The following CNTFR variants were observed in gnomAD, a reference collection of about 807,000 sequenced individuals.
CNTFR encodes the protein ciliary neurotrophic factor receptor subunit alpha.
In CNTFR, 12 loss-of-function variants were observed where a neutral mutation model predicts 40.4. The observed-to-expected ratio is 0.30, with a 90% CI of 0.19 to 0.48. The LOEUF is 0.48. Ranked by LOEUF, CNTFR falls within the 20% of genes least tolerant of loss-of-function variation. The probability of loss-of-function intolerance (pLI) is 0.99; values close to 1 mark genes in which losing one functional copy is unlikely to be tolerated. For missense variants in CNTFR, 414 were observed against 506.8 expected, an observed-to-expected ratio of 0.82 and a Z score of 1.76; for synonymous variants, 202 against 209.6, an observed-to-expected ratio of 0.96 and a Z score of 0.31.
chr9:34,564,382 T>A, intron 4 of CNTFR, among the ~76,000 whole-genome samples: 1 of 151,546 alleles, frequency 6.6e-6, no homozygotes, highest in East Asian at 1.9e-4. Flanking sequence ...TCCACGGGGG[T>A]GGGATGTGTG....
intron 2 of CNTFR, among the ~76,000 whole-genome samples, chr9:34,576,256 CG>C (rs1345770427): frequency 6.6e-6 from 1 of 152,218 alleles, no homozygotes; most frequent in Non-Finnish European, 1.5e-5. Flanking sequence ...GCCCCGTACA[CG>C]CTGGTGTGCG....
chr9:34,574,532 C>T (rs773120035), intron 2 of CNTFR, among the ~76,000 whole-genome samples: 2 of 152,202 alleles, frequency 1.3e-5, no homozygotes, highest in African/African-American at 2.4e-5. Context: ...AGGCCCTGTC[C>T]TCCTCCTTAG....
intron 4 of CNTFR, among the ~76,000 whole-genome samples, chr9:34,558,640 G>A (rs1825947897): frequency 6.6e-6 from 1 of 152,186 alleles, no homozygotes. Flanking sequence ...GAATCTGCAT[G>A]TCTATGTATG....
Position 34,570,298 on chromosome 9 carries a change from A to AAACCAGAT in CNTFR, c.1-1325_1-1318dup, listed in dbSNP as rs529665106. Among the ~76,000 whole-genome samples the AAACCAGAT allele has an allele frequency of 1.6e-3, 250 of 152,328 alleles. 3 individuals are homozygous for AAACCAGAT. Among genetic ancestry groups the AAACCAGAT allele is most frequent in the African/African-American group, 5.5e-3 (228 of 41,580 alleles). ...ACAAAGCCAAAGAGACAGGTAGATG[A>AAACCAGAT]AACCAGATAACCAGCCAGAGAGGTG... On this transcript the variant is annotated intron_variant, in intron 2 of 9. Transcript: ENST00000378980.
chr9:34,564,931 A>T, intron 3 of CNTFR, 99 bp from the exon 4 acceptor site: 1 of 962,402 alleles, frequency 1.0e-6, no homozygotes, highest in Non-Finnish European at 1.6e-6. Flanking sequence ...AGGATGGATG[A>T]GTGAGGACGA....
At chr9:34,565,292 T>C (rs1826236787) in intron 3 of CNTFR, among the ~76,000 whole-genome samples, 1 of 151,986 alleles carries the variant, frequency 6.6e-6, no homozygotes, top group Non-Finnish European at 1.5e-5. Context: ...GGGGCCCCAC[T>C]CCTGGACTCC....
At chr9:34,573,459 CA>C (rs1428107517) in intron 2 of CNTFR, among the ~76,000 whole-genome samples, 14 of 152,304 alleles carry the variant, frequency 9.2e-5, no homozygotes, top group South Asian at 6.2e-4. Context: ...AATGAAGGAT[CA>C]GGGGGGCCTC....
At chr9:34,584,697 A>C (rs1827467795) in intron 1 of CNTFR, among the ~76,000 whole-genome samples, 1 of 152,220 alleles carries the variant, frequency 6.6e-6, no homozygotes, top group South Asian at 2.1e-4. Context: ...ACTCACACCT[A>C]GAGGGTAAGG....
At chr9:34,561,412 A>T (rs1826070491) in intron 4 of CNTFR, among the ~76,000 whole-genome samples, 1 of 152,232 alleles carries the variant, frequency 6.6e-6, no homozygotes, top group Non-Finnish European at 1.5e-5. Context: ...AACGATACAG[A>T]ATCAGCAGTG....
chr9:34,566,041 C>T (rs1357337804), intron 3 of CNTFR, among the ~76,000 whole-genome samples: 7 of 152,092 alleles, frequency 4.6e-5, no homozygotes, highest in Admixed American at 3.9e-4. Flanking sequence ...AGAGGCAATT[C>T]CTGTTAACGA....
In CNTFR at chr9:34,557,662, C is replaced by T; in HGVS notation, c.468G>A (p.Lys156=). The part of the protein sequence containing the change: ...LHGSKIMVCE[K]DPALKNRCHI... ...GGCAGCGGTTCTTGAGGGCTGGGTC[C>T]TTCTCACAGACCATAATTTTGGAGC... Residue 156 remains lysine, a synonymous_variant, in exon 6 of 10, where the codon AAG becomes AAA. Transcript: ENST00000378980. This position sits in a 1 kb window ranked among gnomAD's most constrained non-coding sequence, Gnocchi z 4.2. 1 of 1,614,204 alleles carries T rather than the reference C, an allele frequency of 6.2e-7. No homozygotes were observed. The highest frequency in any genetic ancestry group is 1.1e-5 in the South Asian group (1 of 91,084).
chr9:34,564,982 T>G (rs1587135309), intron 3 of CNTFR, 150 bp from the exon 4 acceptor site: 1 of 662,904 alleles, frequency 1.5e-6, no homozygotes, highest in Non-Finnish European at 2.6e-6. Context: ...AGATGAAGAG[T>G]GTTCAAAGCT....
intron 3 of CNTFR, among the ~76,000 whole-genome samples, chr9:34,567,759 G>C (rs1431480427): frequency 5.3e-5 from 8 of 152,178 alleles, no homozygotes; most frequent in African/African-American, 1.9e-4. Context: ...GTGAGGAACA[G>C]TCCACAAGGA....
chr9:34,561,598 G>GA, intron 4 of CNTFR, among the ~76,000 whole-genome samples: 1 of 152,332 alleles, frequency 6.6e-6, no homozygotes, highest in East Asian at 1.9e-4. Flanking sequence ...CCTGGTTAAG[G>GA]AGACTTCCAA....
Position 34,556,382 on chromosome 9 carries a change from G to C in CNTFR, c.641C>G (p.Pro214Arg). The C allele has an allele frequency of 6.2e-7, 1 of 1,613,366 alleles. No individual in the cohort carries two copies. The change falls in exon 7 of 10, where the codon CCA (proline) becomes CGA (arginine). Residue 214 changes from proline (P) to arginine (R), a missense_variant. Transcript: ENST00000378980. ...CAGCCGGCGAGGGTTGCTGGGCACT[G>C]GCCGGGCTACCACATTTTCTGGAGG... The part of the protein sequence containing the change: ...PDPPENVVAR[P>R]VPSNPRRLEV...
Position 34,557,972 on chromosome 9 carries a change from T to C in CNTFR, c.332A>G (p.Glu111Gly). ...GTTGGAGCGGCAGCTGAGCACAGGC[T>C]CCCGCGGCGGCACTGGGGGTGAGGA... is the stretch of plus-strand genomic sequence containing the variant. ...VLLHVGLPPR[E>G]PVLSCRSNTY... Residue 111 changes from glutamate (E) to glycine (G), a missense_variant, in exon 5 of 10, where the codon GAG (glutamate) becomes GGG (glycine). By Grantham distance (98) the Glu-to-Gly change is moderately conservative (BLOSUM62 -2). Transcript: ENST00000378980. The surrounding 1 kb of genome is among the most constrained non-coding windows in gnomAD (Gnocchi z 4.2). The C allele has an allele frequency of 6.5e-7, 1 of 1,544,614 alleles. No individual in the cohort carries two copies. Among genetic ancestry groups the C allele is most frequent in the Non-Finnish European group, 8.7e-7 (1 of 1,145,406 alleles).
rs985304209 is a variant in CNTFR at position 34,589,655 on chromosome 9, C to A, written c.-212G>T. 43 of 155,188 alleles carry A rather than the reference C, an allele frequency of 2.8e-4. No individual in the cohort carries two copies. The highest frequency in any genetic ancestry group is 1.0e-3 in the African/African-American group (42 of 41,274). 9.6% of individuals were successfully genotyped at this position (155,188 alleles called of 1,614,324 possible). ...AGCTAGCACCGCCCGCCGGATCCCA[C>A]CGCCGAGCCTCGCGCCGCGCCGGCT... On this transcript the variant is annotated 5_prime_UTR_variant, in exon 1 of 10. Coordinates refer to ENST00000378980, the MANE Select transcript of CNTFR (RefSeq NM_147164.3). The surrounding 1 kb of genome is among the most constrained non-coding windows in gnomAD (Gnocchi z 4.4).
chr9:34,552,949 A>T lies in CNTFR; in HGVS notation c.769-95T>A. 8.1e-7 allele frequency: 1 copy of T among 1,233,822 alleles called. No homozygotes were observed. The allele number at this position is 1,233,822 out of a possible 1,614,324, so 76.4% of individuals were successfully genotyped here. ...AAGTGAGCATGCCTCTGAGGAGAGG[A>T]GAGTAAAGGGCTCTGGGGGCAGTGA... On this transcript the variant is annotated intron_variant, in intron 7 of 9. Coordinates refer to ENST00000378980, the MANE Select transcript of CNTFR (RefSeq NM_147164.3). This position sits in a 1 kb window ranked among gnomAD's most constrained non-coding sequence, Gnocchi z 5.1.
In CNTFR at chr9:34,568,877, C is replaced by A; in HGVS notation, c.85+20G>T. 6.4e-7 allele frequency: 1 copy of A among 1,564,960 alleles called. No individual in the cohort carries two copies. The highest frequency in any genetic ancestry group is 8.7e-7 in the Non-Finnish European group (1 of 1,154,526). ...CAGCTCTGAGAGGGGGGTCAGCAGG[C>A]GGCTCCCGTGAGCACTCACCCTGTG... On this transcript the variant is annotated intron_variant, in intron 3 of 9. Coordinates refer to ENST00000378980, the MANE Select transcript of CNTFR (RefSeq NM_147164.3).
Sources: allele counts gnomAD v4.1 joint callset (sites outside exome capture counted in the v4.1 genomes callset), GRCh38; gene constraint gnomAD v4.1.1; non-coding constraint Gnocchi (gnomAD v3.1); transcripts MANE v1.5; gene names NCBI Gene and HGNC (gene_info 2026-07-23, HGNC 2026-07-21).